PLEKHG4B: variants seen among roughly 807,000 people sequenced by gnomAD.
PLEKHG4B encodes the protein pleckstrin homology domain-containing family G member 4B.
Under a neutral mutation model 121.3 loss-of-function variants are expected in PLEKHG4B, and 111 were observed. The ratio of observed to expected loss-of-function variants is 0.92; its 90% CI spans 0.78 to 1.07. PLEKHG4B has a LOEUF of 1.07. Ranked by LOEUF, PLEKHG4B falls within the 50% of genes least tolerant of loss-of-function variation. The pLI is 0.00. For missense variants in PLEKHG4B, 1,831 were observed against 1,757.8 expected (o/e 1.04, Z -0.74); for synonymous variants, 738 against 725.0 (o/e 1.02, Z -0.29).
intron 16 of PLEKHG4B, among the ~76,000 whole-genome samples, 185 bp downstream of exon 16, chr5:171,629 G>A (rs1231395279): frequency 1.3e-5 from 2 of 152,206 alleles, no homozygotes; most frequent in Non-Finnish European, 2.9e-5. Flanking sequence ...GGTCTTACCT[G>A]TCTGGGCAAT....
intron 7 of PLEKHG4B, 41 bp from the exon 8 acceptor site, chr5:154,834 T>G (rs1163922493): frequency 6.8e-7 from 1 of 1,461,868 alleles, no homozygotes; most frequent in Admixed American, 1.7e-5. Flanking sequence ...CCCCAAGAGA[T>G]GCATCTGGAG....
chr5:140,757 C>T, intron 3 of PLEKHG4B, 41 bp downstream of exon 3: 1 of 1,470,000 alleles, frequency 6.8e-7, no homozygotes, highest in Non-Finnish European at 9.0e-7. Flanking sequence ...CCCCCACAAC[C>T]TCCCCTACAC....
At position 139,613 on chromosome 5, in the gene PLEKHG4B, C is replaced by T. The variant is rs570546482; in HGVS notation, c.374C>T (p.Ser125Leu). 8 of 398,906 alleles carry T rather than the reference C, an allele frequency of 2.0e-5. No homozygotes were observed. Among genetic ancestry groups the T allele is most frequent in the South Asian group, 1.3e-4 (1 of 7,852 alleles). The allele number at this position is 398,906 out of a possible 1,614,324, so 24.7% of individuals were successfully genotyped here. A position where few individuals can be genotyped will look rare whatever the true frequency, so the allele number is the denominator to read the frequency against. The change falls in exon 3 of 20, where the codon TCG becomes TTG. Residue 125 changes from serine to leucine, a missense_variant. Ser to Leu is a moderately radical substitution (Grantham distance 145). Transcript: ENST00000637938. The surrounding 1 kb of genome is among the most constrained non-coding windows in gnomAD (Gnocchi z 5.0). ...GGGGACTTCTACCTGCAGGTCACGT[C>T]GGCGGGGAAGCAGTCAGCTAGACTG... ...QPGDFYLQVT[S>L]AGKQSARLVL... is the part of the protein sequence containing the mutation.
At chr5:181,850 G>A (rs1243933427) in intron 19 of PLEKHG4B, among the ~76,000 whole-genome samples, 154 bp from the exon 20 acceptor site, 2 of 152,252 alleles carry the variant, frequency 1.3e-5, no homozygotes, top group African/African-American at 4.8e-5. Flanking sequence ...TCCTGCAGAG[G>A]GCACTGGGCC....
chr5:109,779 C>T (rs1333915524), intron 1 of PLEKHG4B, among the ~76,000 whole-genome samples: 1 of 152,250 alleles, frequency 6.6e-6, no homozygotes, highest in East Asian at 1.9e-4. Flanking sequence ...GCCACCGCCC[C>T]ATTGGCTAAG....
At chr5:124,130 A>G (rs1019803020) in intron 2 of PLEKHG4B, among the ~76,000 whole-genome samples, 5 of 152,058 alleles carry the variant, frequency 3.3e-5, no homozygotes, top group African/African-American at 1.2e-4. Context: ...ATTAATTTCC[A>G]CAATTTTGTG....
chr5:143,651 G>A (rs1214616817), intron 5 of PLEKHG4B, 148 bp downstream of exon 5: 3 of 980,162 alleles, frequency 3.1e-6, no homozygotes, highest in East Asian at 5.1e-5. Context: ...CAGCACCCAT[G>A]TGCTTCCAGC....
intron 2 of PLEKHG4B, among the ~76,000 whole-genome samples, chr5:133,941 C>CACACACAT (rs34900477): frequency 7.5e-5 from 11 of 146,286 alleles, no homozygotes; most frequent in African/African-American, 2.6e-4. Context: ...CACACACACA[C>CACACACAT]ATATATATAT....
At position 143,431 on chromosome 5, in the gene PLEKHG4B, T is replaced by G; in HGVS notation, c.1739T>G (p.Leu580Arg). Residue 580 changes from leucine to arginine, a missense_variant, in exon 5 of 20, where the codon CTG (leucine) becomes CGG (arginine). Leu to Arg is a moderately radical substitution (Grantham distance 102, BLOSUM62 -2). Coordinates refer to ENST00000637938, the MANE Select transcript of PLEKHG4B (RefSeq NM_052909.5). Reference sequence around the variant, plus strand: ...GTGGTGCAGGTCCGCACCAGGAGCCTGCTCTGGACCAGGGAACACTCGTCC... The same window carrying G: ...GTGGTGCAGGTCCGCACCAGGAGCCGGCTCTGGACCAGGGAACACTCGTCC... ...RAVVQVRTRS[L>R]LWTREHSSCA... 6.2e-7 allele frequency: 1 copy of G among 1,612,910 alleles called. No individual in the cohort carries two copies. Among genetic ancestry groups the G allele is most frequent in the Non-Finnish European group, 8.5e-7 (1 of 1,180,000 alleles).
At chr5:153,237 A>T (rs1053900831) in intron 7 of PLEKHG4B, among the ~76,000 whole-genome samples, 1 of 152,120 alleles carries the variant, frequency 6.6e-6, no homozygotes, top group African/African-American at 2.4e-5. Context: ...GCTGCTTTGA[A>T]GTCCTTGTCT....
chr5:98,425 C>CTTTT lies in PLEKHG4B; in HGVS notation c.45+6174_45+6177dup, dbSNP rs55733931. Among the ~76,000 whole-genome samples, 67 of 46,828 alleles carry CTTTT rather than the reference C, an allele frequency of 1.4e-3. 11 individuals are homozygous for CTTTT. Among genetic ancestry groups the CTTTT allele is most frequent in the African/African-American group, 4.1e-3 (46 of 11,200 alleles). 30.7% of individuals were successfully genotyped at this position (46,828 alleles called of 152,430 possible). ...GTCAGTACCACATTGTTTACTGTAGCTTTTTTTTTTTTTTTTTTTTTTTTT... is the reference window on the plus strand; with the variant it reads ...GTCAGTACCACATTGTTTACTGTAGCTTTTTTTTTTTTTTTTTTTTTTTTTTTTT... On this transcript the variant is annotated intron_variant, in intron 1 of 19. Transcript: ENST00000637938.
At chr5:129,357 G>A (rs1407328961) in intron 2 of PLEKHG4B, among the ~76,000 whole-genome samples, 1 of 152,142 alleles carries the variant, frequency 6.6e-6, no homozygotes, top group East Asian at 1.9e-4. Context: ...CAGTTCTTTA[G>A]GCAGAGCTTA....
intron 2 of PLEKHG4B, among the ~76,000 whole-genome samples, chr5:125,148 GT>G (rs1479435793): frequency 3.3e-5 from 5 of 152,062 alleles, no homozygotes; most frequent in African/African-American, 4.8e-5. Flanking sequence ...AATTTTGCCA[GT>G]TTCTGTCTCT....
Position 140,388 on chromosome 5 carries a change from AG to A in PLEKHG4B, c.1150del (p.Ala384ProfsTer10). The A allele has an allele frequency of 6.4e-7, 1 of 1,552,540 alleles. No individual in the cohort carries two copies. Among genetic ancestry groups the A allele is most frequent in the Non-Finnish European group, 8.7e-7 (1 of 1,148,740 alleles). On this transcript the variant is annotated frameshift_variant, in exon 3 of 20. Transcript: ENST00000637938. LOFTEE classifies it high-confidence loss of function. ...ACCTGGCCTGCAGCTCCCTGACTGGAGCCAGCAGGGACCTGGGGACTGGGGC... is the reference window on the plus strand; with the variant it reads ...ACCTGGCCTGCAGCTCCCTGACTGGACCAGCAGGGACCTGGGGACTGGGGC... ...GDLACSSLTGASRDLGTGAVA... is the reference protein window; with the variant it reads ...GDLACSSLTGXSRDLGTGAVA...
At chr5:172,608 C>T (rs906539390) in intron 16 of PLEKHG4B, among the ~76,000 whole-genome samples, 5 of 152,232 alleles carry the variant, frequency 3.3e-5, no homozygotes, top group African/African-American at 1.2e-4. Context: ...GGGACGCTCA[C>T]CCCCTGAGCA....
At position 95,599 on chromosome 5, in the gene PLEKHG4B, C is replaced by T. The variant is rs1408374605; in HGVS notation, c.45+3323C>T. Among the ~76,000 whole-genome samples the T allele has an allele frequency of 3.3e-5, 5 of 152,354 alleles. No individual in the cohort carries two copies. The East Asian group carries it at 7.7e-4, about 23-fold the overall frequency. ...AAGCCCAGATTCCCTCCCTTCCCAG[C>T]CTTATTCTAAGACAAATTTGCCTTT... On this transcript the variant is annotated intron_variant, in intron 1 of 19. Coordinates refer to ENST00000637938, the MANE Select transcript of PLEKHG4B (RefSeq NM_052909.5).
At chr5:110,443 A>ACAATCTGCAACACACGTGCACACACC (rs1734117903) in intron 1 of PLEKHG4B, among the ~76,000 whole-genome samples, 6 of 145,002 alleles carry the variant, frequency 4.1e-5, no homozygotes, top group Admixed American at 2.1e-4. Flanking sequence ...ACACACCCAC[A>ACAATCTGCAACACACGTGCACACACC]CAATCTGCAA....
chr5:146,037 C>G (rs975738697), intron 6 of PLEKHG4B, among the ~76,000 whole-genome samples: 1 of 151,734 alleles, frequency 6.6e-6, no homozygotes, highest in African/African-American at 2.4e-5. Flanking sequence ...ACTCCCCTTC[C>G]ATGGTCCTCC....
At chr5:109,114 G>C (rs545582451) in intron 1 of PLEKHG4B, among the ~76,000 whole-genome samples, 119 of 152,332 alleles carry the variant, frequency 7.8e-4, no homozygotes, top group African/African-American at 2.7e-3. Flanking sequence ...CCAGGGCCCT[G>C]CTTGAAGGAG....
Sources: gnomAD v4.1 joint callset for allele counts (sites outside exome capture counted in the v4.1 genomes callset) on GRCh38, gnomAD v4.1.1 for gene constraint, Gnocchi (gnomAD v3.1) non-coding constraint, MANE v1.5 for transcripts, NCBI Gene and HGNC (gene_info 2026-07-23, HGNC 2026-07-21) for gene names.